Variants in NLGN1 observed in about 807,000 individuals in gnomAD.
NLGN1 encodes the protein neuroligin 1, also known as neuroligin-1.
In NLGN1, 12 loss-of-function variants were observed where a neutral mutation model predicts 65.5. That is an observed-to-expected ratio of 0.18 (90% CI 0.12 to 0.30). The LOEUF (loss-of-function observed/expected upper bound fraction) is 0.30, where lower values mean the gene tolerates loss of function less well. Among genes scored for constraint, NLGN1 ranks in the 10% least tolerant of loss-of-function variants. NLGN1 has a pLI of 1.00. For missense variants in NLGN1, 750 were observed against 1,007.1 expected (o/e 0.74, Z 3.46); for synonymous variants, 350 against 359.5 (o/e 0.97, Z 0.30).
intron 4 of NLGN1, among the ~76,000 whole-genome samples, chr3:174,051,885 G>T (rs1305324951): frequency 6.6e-6 from 1 of 151,938 alleles, no homozygotes; most frequent in African/African-American, 2.4e-5. Flanking sequence ...GAATAAAGAT[G>T]TAACACAATA....
At chr3:173,820,884 C>T (rs1720158848) in intron 4 of NLGN1, among the ~76,000 whole-genome samples, 1 of 152,086 alleles carries the variant, frequency 6.6e-6, no homozygotes, top group East Asian at 1.9e-4. Flanking sequence ...TAATGTTGTT[C>T]ATTTGTAAAG....
At chr3:173,635,468 T>C (rs1384465327) in intron 3 of NLGN1, among the ~76,000 whole-genome samples, 2 of 152,198 alleles carry the variant, frequency 1.3e-5, no homozygotes, top group African/African-American at 4.8e-5. Flanking sequence ...TGTTTTGTAT[T>C]GAAGGTCTAG....
intron 2 of NLGN1, among the ~76,000 whole-genome samples, chr3:173,566,018 T>C (rs1268067795): frequency 6.6e-6 from 1 of 152,158 alleles, no homozygotes; most frequent in East Asian, 1.9e-4. Flanking sequence ...GTAAGTAAAA[T>C]TATTTGTAGA....
intron 3 of NLGN1, among the ~76,000 whole-genome samples, chr3:173,754,224 T>C (rs1776762362): frequency 6.6e-6 from 1 of 151,748 alleles, no homozygotes; most frequent in Admixed American, 6.6e-5. Context: ...CTTTTGTAGT[T>C]TTTTGTAGAG....
chr3:173,752,498 C>G (rs545387377), intron 3 of NLGN1, among the ~76,000 whole-genome samples: 4 of 152,218 alleles, frequency 2.6e-5, no homozygotes, highest in African/African-American at 9.6e-5. Context: ...TCCAACCCAG[C>G]ACTGTAGTTG....
In NLGN1 at chr3:173,676,784, T is replaced by G. The variant is rs1763232073; in HGVS notation, c.493+71693T>G. 5.9e-5 allele frequency among the ~76,000 whole-genome samples: 9 copies of G among 152,108 alleles called. No individual in the cohort carries two copies. In the South Asian group the frequency reaches 1.9e-3, roughly 32 times the overall value. On this transcript the variant is annotated intron_variant, in intron 3 of 6. Coordinates refer to ENST00000457714, the Ensembl canonical transcript of NLGN1. Reference sequence around the variant, plus strand: ...CTCAAACAAAGCAAAATTTCATATTTTCTTACAATTATTTGTCTTCATATG... The same window carrying G: ...CTCAAACAAAGCAAAATTTCATATTGTCTTACAATTATTTGTCTTCATATG...
chr3:174,281,219 A>T, exon 7 of NLGN1: 1 of 1,613,158 alleles, frequency 6.2e-7, no homozygotes, highest in Non-Finnish European at 8.5e-7. Flanking sequence ...CCTTACACAC[A>T]TTCAATACAT....
At chr3:173,442,961 T>C (rs1719470591) in intron 2 of NLGN1, among the ~76,000 whole-genome samples, 1 of 152,062 alleles carries the variant, frequency 6.6e-6, no homozygotes, top group African/African-American at 2.4e-5. Context: ...ATACAACCAG[T>C]TTACGGAAAT....
chr3:173,716,946 G>T (rs571564288), intron 3 of NLGN1, among the ~76,000 whole-genome samples: 23 of 152,142 alleles, frequency 1.5e-4, no homozygotes, highest in Non-Finnish European at 2.8e-4. Flanking sequence ...ATTAATCAAT[G>T]AAACTATAGC....
At chr3:173,539,486 T>C (rs1454726617) in intron 2 of NLGN1, among the ~76,000 whole-genome samples, 1 of 144,760 alleles carries the variant, frequency 6.9e-6, no homozygotes, top group Non-Finnish European at 1.5e-5. Flanking sequence ...CATATGCATG[T>C]ATATGTATGT....
intron 4 of NLGN1, among the ~76,000 whole-genome samples, chr3:174,076,199 G>A (rs972116428): frequency 1.3e-5 from 2 of 151,684 alleles, no homozygotes; most frequent in African/African-American, 4.8e-5. Context: ...AAGTGATACA[G>A]GCAATAACAT....
intron 4 of NLGN1, among the ~76,000 whole-genome samples, chr3:173,836,285 A>G (rs964989878): frequency 6.6e-6 from 1 of 152,160 alleles, no homozygotes; most frequent in Admixed American, 6.6e-5. Flanking sequence ...TTTTCATTAT[A>G]ACATTGTTAT....
At chr3:173,696,657 C>T (rs1189793765) in intron 3 of NLGN1, among the ~76,000 whole-genome samples, 2 of 152,168 alleles carry the variant, frequency 1.3e-5, no homozygotes, top group African/African-American at 4.8e-5. Context: ...CTTTTCTCTC[C>T]TTCACCTTCC....
chr3:174,050,175 A>T (rs2152501781), intron 4 of NLGN1, among the ~76,000 whole-genome samples: 1 of 152,234 alleles, frequency 6.6e-6, no homozygotes, highest in African/African-American at 2.4e-5. Flanking sequence ...ATAATATTTT[A>T]TTTCAAAGAC....
chr3:174,242,495 C>T lies in NLGN1; in HGVS notation c.647-32820C>T, dbSNP rs74282665. On this transcript the variant is annotated intron_variant, in intron 4 of 6. Transcript: ENST00000457714. ...CAGCTGCTCCCCATTGCTCACATTA[C>T]TGCCTGCGCTCCATCTCCTGTCAAA... Among the ~76,000 whole-genome samples the T allele has an allele frequency of 3.3e-5, 5 of 152,270 alleles. No individual in the cohort carries two copies. In the East Asian group the frequency reaches 7.7e-4, roughly 24 times the overall value.
chr3:173,495,681 A>T (rs1197095614), intron 2 of NLGN1, among the ~76,000 whole-genome samples: 3 of 3,222 alleles, frequency 9.3e-4, no homozygotes, highest in Non-Finnish European at 1.5e-3. Context: ...GTCTTTTTTG[A>T]AAAAAAAAAA....
At chr3:173,646,916 CAAAATT>C (rs959499386) in intron 3 of NLGN1, among the ~76,000 whole-genome samples, 2 of 151,950 alleles carry the variant, frequency 1.3e-5, no homozygotes, top group African/African-American at 4.8e-5. Context: ...GGATAAAAAA[CAAAATT>C]AAAACATTTT....
rs1000174055 is a variant in NLGN1 at position 173,482,910 on chromosome 3, C to T, written c.-321+47832C>T. Among the ~76,000 whole-genome samples, 6 of 151,968 alleles carry T rather than the reference C, an allele frequency of 3.9e-5. 1 individual carries two copies. In the South Asian group the frequency reaches 8.3e-4, roughly 21 times the overall value. ...TAGAAGGGTAACTTAGGACAAAAAA[C>T]GTCTACTTTGATACCCTTTCTCATT... On this transcript the variant is annotated intron_variant, in intron 2 of 6. Coordinates refer to ENST00000457714, the Ensembl canonical transcript of NLGN1.
At chr3:173,817,002 C>T (rs1719166125) in intron 4 of NLGN1, among the ~76,000 whole-genome samples, 1 of 152,204 alleles carries the variant, frequency 6.6e-6, no homozygotes, top group Non-Finnish European at 1.5e-5. Flanking sequence ...TGTCTAGCTC[C>T]ACAAAGCCCA....
Sources: allele counts gnomAD v4.1 joint callset (sites outside exome capture counted in the v4.1 genomes callset), GRCh38; gene constraint gnomAD v4.1.1; transcripts MANE v1.5; gene names NCBI Gene and HGNC (gene_info 2026-07-23, HGNC 2026-07-21).